Variants in AIM2 observed in about 807,000 individuals in gnomAD.
The protein encoded by AIM2 is absent in melanoma 2.
In AIM2, 30 loss-of-function variants were observed where a neutral mutation model predicts 27.7. The ratio of observed to expected loss-of-function variants is 1.08; its 90% CI spans 0.81 to 1.47. The LOEUF (loss-of-function observed/expected upper bound fraction) is 1.47. Among genes scored for constraint, AIM2 ranks in the 40% most tolerant of loss-of-function variants. The probability of loss-of-function intolerance (pLI) is 0.00; values close to 1 mark genes in which losing one functional copy is unlikely to be tolerated. For synonymous variants in AIM2, 141 were observed against 145.3 expected, an observed-to-expected ratio of 0.97 and a Z score of 0.21; for missense variants, 358 against 411.3, an observed-to-expected ratio of 0.87 and a Z score of 1.12.
At chr1:159,082,924 A>G (rs1051099537) in intron 1 of AIM2, among the ~76,000 whole-genome samples, 2 of 152,156 alleles carry the variant, frequency 1.3e-5, no homozygotes, top group Admixed American at 6.6e-5. Context: ...AATATTTCCT[A>G]AGGAAAAAGT....
intron 1 of AIM2, among the ~76,000 whole-genome samples, chr1:159,145,721 G>A (rs1648188926): frequency 6.6e-6 from 1 of 152,152 alleles, no homozygotes; most frequent in Non-Finnish European, 1.5e-5. Flanking sequence ...CTCCCTAAGG[G>A]AGTCTGAGAA....
chr1:159,063,597 G>C lies in AIM2; in HGVS notation c.894C>G (p.Asn298Lys), dbSNP rs151325808. 1.2e-6 allele frequency: 2 copies of C among 1,613,994 alleles called. No individual in the cohort carries two copies. The highest frequency in any genetic ancestry group is 8.5e-7 in the Non-Finnish European group (1 of 1,179,972). Reference protein sequence around the residue: ...TGKMEVLGVRNEDTMKCKEGD... With the variant: ...TGKMEVLGVRKEDTMKCKEGD... ...CTTCCTTACATTTCATTGTGTCCTC[G>C]TTTCTAACCCCCAGTACTTCCATTT... The change falls in exon 5 of 6, where the codon AAC becomes AAG. Residue 298 changes from asparagine (N) to lysine (K), a missense_variant. Coordinates refer to ENST00000368130, the MANE Select transcript of AIM2 (RefSeq NM_004833.3).
chr1:159,078,696 G>T (rs1249439289), upstream of AIM2, among the ~76,000 whole-genome samples: 1 of 152,168 alleles, frequency 6.6e-6, no homozygotes, highest in Non-Finnish European at 1.5e-5. Flanking sequence ...ACCCAACTTG[G>T]TGACACAAGA....
rs188209959 is a variant in AIM2, at chr1:159,133,300, A to G, written c.-16+7131T>C. ...TGGAACTACAGATACAAGTTTGGTC[A>G]CGAGTTGATCACTGTTGAAACTGAG... is the stretch of plus-strand genomic sequence containing the variant. On this transcript the variant is annotated intron_variant, in intron 1 of 2. Coordinates refer to the AIM2 transcript ENST00000368129. 3.5e-3 allele frequency among the ~76,000 whole-genome samples: 527 copies of G among 152,340 alleles called. 4 individuals carry two copies. Among genetic ancestry groups the G allele is most frequent in the African/African-American group, 0.012 (504 of 41,578 alleles).
At chr1:159,101,316 G>A (rs902170960) in intron 1 of AIM2, among the ~76,000 whole-genome samples, 1 of 152,116 alleles carries the variant, frequency 6.6e-6, no homozygotes, top group African/African-American at 2.4e-5. Context: ...ACTGTGAAGG[G>A]GTGCCTTCTG....
At chr1:159,120,898 T>C (rs1195322455) in intron 1 of AIM2, among the ~76,000 whole-genome samples, 1 of 152,248 alleles carries the variant, frequency 6.6e-6, no homozygotes, top group Admixed American at 6.5e-5. Context: ...GGGCAACAAC[T>C]GATTCTTATT....
At chr1:159,109,943 T>G (rs1657530224) in intron 1 of AIM2, among the ~76,000 whole-genome samples, 1 of 152,146 alleles carries the variant, frequency 6.6e-6, no homozygotes, top group South Asian at 2.1e-4. Flanking sequence ...CAGGGAACAC[T>G]TCTACGCTGC....
chr1:159,126,323 G>A (rs1359839500), intron 1 of AIM2, among the ~76,000 whole-genome samples: 1 of 152,050 alleles, frequency 6.6e-6, no homozygotes, highest in African/African-American at 2.4e-5. Context: ...CAAAGTCTCT[G>A]GTATTATCAG....
chr1:159,068,610 G>A lies in AIM2; in HGVS notation c.354C>T (p.Val118=), dbSNP rs759309655. The A allele has an allele frequency of 6.1e-5, 99 of 1,613,542 alleles. No homozygotes were observed. Among genetic ancestry groups the A allele is most frequent in the South Asian group, 2.6e-4 (24 of 91,044 alleles). Residue 118 remains valine (V), a synonymous_variant, in exon 3 of 6, where the codon GTC becomes GTT. Transcript: ENST00000368130. ...CTTTTGGTGCAGCACGTTGCTTTGC[G>A]ACATCATTTCTGATGGCTGCAGATG... ...PAASAAIRND[V]AKQRAAPKVS...
At chr1:159,063,700 C>A in intron 4 of AIM2, 26 bp from the exon 5 acceptor site, 1 of 1,602,070 alleles carries the variant, frequency 6.2e-7, no homozygotes, top group Non-Finnish European at 8.5e-7. Context: ...AACACCCAGC[C>A]TCTGATAATC....
chr1:159,135,951 A>G (rs1465748712), intron 1 of AIM2, among the ~76,000 whole-genome samples: 1 of 152,154 alleles, frequency 6.6e-6, no homozygotes, highest in Non-Finnish European at 1.5e-5. Flanking sequence ...CAAAATAGAC[A>G]CACTCGCCCT....
At chr1:159,084,884 AC>A (rs1438706384) in intron 1 of AIM2, among the ~76,000 whole-genome samples, 11 of 151,926 alleles carry the variant, frequency 7.2e-5, no homozygotes, top group Non-Finnish European at 1.0e-4. Context: ...CAAGGTCAAG[AC>A]TAAACTCACA....
At chr1:159,104,827 G>A (rs1368447539) in intron 1 of AIM2, among the ~76,000 whole-genome samples, 1 of 152,114 alleles carries the variant, frequency 6.6e-6, no homozygotes, top group Non-Finnish European at 1.5e-5. Flanking sequence ...CCACTTTCTA[G>A]CTAGGAGATG....
chr1:159,128,126 C>G (rs1241539228), intron 1 of AIM2, among the ~76,000 whole-genome samples: 1 of 152,122 alleles, frequency 6.6e-6, no homozygotes, highest in Non-Finnish European at 1.5e-5. Flanking sequence ...TGCAACCTCC[C>G]CATCTCTCAG....
At chr1:159,075,574 C>CATAT (rs397862232) in intron 1 of AIM2, among the ~76,000 whole-genome samples, 5,908 of 108,858 alleles carry the variant, frequency 0.054, 351 homozygotes, top group East Asian at 0.32. Flanking sequence ...CACACACACA[C>CATAT]ATATATATAT....
intron 1 of AIM2, among the ~76,000 whole-genome samples, chr1:159,102,813 T>C (rs1657345987): frequency 6.6e-6 from 1 of 152,242 alleles, no homozygotes; most frequent in Non-Finnish European, 1.5e-5. Flanking sequence ...ATCTAAGAAG[T>C]AACCAACTTG....
chr1:159,063,421 T>TTTTTG, intron 5 of AIM2, 65 bp downstream of exon 5: 1 of 1,494,976 alleles, frequency 6.7e-7, no homozygotes, highest in Middle Eastern at 1.8e-4. Context: ...CCAGTCCGGC[T>TTTTTG]TTCTGATAGA....
chr1:159,125,453 G>T (rs556105494), intron 1 of AIM2, among the ~76,000 whole-genome samples: 1 of 152,278 alleles, frequency 6.6e-6, no homozygotes, highest in East Asian at 1.9e-4. Context: ...TACGTGAACT[G>T]TTATATTTTA....
the AIM2 span, among the ~76,000 whole-genome samples, chr1:159,056,736 AAAAAAAAAAAAAC>A: frequency 6.7e-6 from 1 of 148,772 alleles, no homozygotes; most frequent in African/African-American, 2.5e-5. Flanking sequence ...AAAAAAAAAA[AAAAAAAAAAAAAC>A]TACCCTTTAG....
Sources: allele counts gnomAD v4.1 joint callset (sites outside exome capture counted in the v4.1 genomes callset), GRCh38; gene constraint gnomAD v4.1.1; transcripts MANE v1.5; gene names NCBI Gene and HGNC (gene_info 2026-07-23, HGNC 2026-07-21).